Variants in AFG2A observed in about 807,000 individuals in gnomAD.
The protein encoded by AFG2A is AAA ATPase AFG2A.
At chr4:123,012,242 C>T in the AFG2A span, among the ~76,000 whole-genome samples, 1 of 138,336 alleles carries the variant, frequency 7.2e-6, no homozygotes, top group Non-Finnish European at 1.5e-5. Flanking sequence ...GAGGTGCTTG[C>T]CCCCCAGGAA....
chr4:123,098,018 T>G, the AFG2A span, among the ~76,000 whole-genome samples: 1 of 152,226 alleles, frequency 6.6e-6, no homozygotes, highest in East Asian at 1.9e-4. Context: ...TCCACACTAA[T>G]TTGATTATGT....
At chr4:123,201,764 CA>C in the AFG2A span, among the ~76,000 whole-genome samples, 1 of 151,754 alleles carries the variant, frequency 6.6e-6, no homozygotes, top group African/African-American at 2.4e-5. Context: ...ACTAAAAATA[CA>C]AAAAAATTTA....
At chr4:122,979,421 T>A in the AFG2A span, 1 of 1,594,524 alleles carries the variant, frequency 6.3e-7, no homozygotes, top group East Asian at 2.2e-5. Flanking sequence ...GCTACACTGT[T>A]TGAATTAAAC....
chr4:122,969,030 T>TA, the AFG2A span, among the ~76,000 whole-genome samples: 2 of 152,168 alleles, frequency 1.3e-5, no homozygotes, highest in African/African-American at 4.8e-5. Context: ...CTTTGTTAGA[T>TA]ATATGTATTT....
the AFG2A span, among the ~76,000 whole-genome samples, chr4:123,022,305 A>G: frequency 7.3e-4 from 111 of 152,314 alleles, 1 homozygote; most frequent in African/African-American, 2.5e-3. Context: ...AAGGACTAAT[A>G]TCCAGAATCT....
chr4:123,030,419 A>T, the AFG2A span, among the ~76,000 whole-genome samples: 1 of 152,202 alleles, frequency 6.6e-6, no homozygotes, highest in Non-Finnish European at 1.5e-5. Flanking sequence ...ACTATGAGGA[A>T]ATTGTAAATG....
At chr4:123,159,501 C>G in the AFG2A span, among the ~76,000 whole-genome samples, 1 of 152,118 alleles carries the variant, frequency 6.6e-6, no homozygotes, top group Non-Finnish European at 1.5e-5. Flanking sequence ...TATGCATTGT[C>G]TCTGATTTCT....
the AFG2A span, among the ~76,000 whole-genome samples, chr4:122,944,336 T>C: frequency 6.6e-6 from 1 of 151,984 alleles, no homozygotes; most frequent in African/African-American, 2.4e-5. Context: ...TGTTTGTTTC[T>C]TTTTATTCTT....
the AFG2A span, among the ~76,000 whole-genome samples, chr4:123,123,135 T>C: frequency 6.6e-6 from 1 of 152,166 alleles, no homozygotes; most frequent in Admixed American, 6.5e-5. Flanking sequence ...AATGTGTTCA[T>C]ATAAGAGACT....
chr4:123,257,358 G>C, the AFG2A span, among the ~76,000 whole-genome samples: 1 of 152,216 alleles, frequency 6.6e-6, no homozygotes, highest in Non-Finnish European at 1.5e-5. Flanking sequence ...GCTACATCTG[G>C]ATAAATCCAT....
At chr4:123,218,952 GA>G in the AFG2A span, among the ~76,000 whole-genome samples, 1 of 152,160 alleles carries the variant, frequency 6.6e-6, no homozygotes, top group Admixed American at 6.5e-5. Flanking sequence ...AAGTTTTCTA[GA>G]GAGACAGATC....
At chr4:123,231,785 C>T in the AFG2A span, among the ~76,000 whole-genome samples, 1 of 151,778 alleles carries the variant, frequency 6.6e-6, no homozygotes, top group Non-Finnish European at 1.5e-5. Flanking sequence ...ATTCATTGGC[C>T]TAATTTCATT....
the AFG2A span, among the ~76,000 whole-genome samples, chr4:123,061,061 G>T: frequency 6.6e-6 from 1 of 152,112 alleles, no homozygotes; most frequent in Non-Finnish European, 1.5e-5. Context: ...CCTCAGCCTG[G>T]ATTTTATTGT....
chr4:123,281,207 C>T, the AFG2A span, among the ~76,000 whole-genome samples: 3 of 152,046 alleles, frequency 2.0e-5, no homozygotes, highest in African/African-American at 7.2e-5. Context: ...GGGTAGGAAT[C>T]GGATGTTTTT....
the AFG2A span, among the ~76,000 whole-genome samples, chr4:123,065,105 C>T: frequency 2.0e-5 from 3 of 152,080 alleles, no homozygotes; most frequent in Non-Finnish European, 4.4e-5. Context: ...ACCACATAGC[C>T]CAGGATTCCA....
the AFG2A span, among the ~76,000 whole-genome samples, chr4:123,064,327 T>A: frequency 6.6e-6 from 1 of 151,656 alleles, no homozygotes; most frequent in Non-Finnish European, 1.5e-5. Flanking sequence ...GGAAGGGGAG[T>A]TGAATTATAC....
chr4:123,018,022 G>T, the AFG2A span, among the ~76,000 whole-genome samples: 1 of 152,070 alleles, frequency 6.6e-6, no homozygotes, highest in African/African-American at 2.4e-5. Flanking sequence ...GTCCATAAAA[G>T]TATTTTTTTT....
At chr4:123,238,268 A>G in the AFG2A span, among the ~76,000 whole-genome samples, 1 of 152,236 alleles carries the variant, frequency 6.6e-6, no homozygotes, top group African/African-American at 2.4e-5. Flanking sequence ...AACAAAAGGC[A>G]GCAGTAACTT....
At chr4:123,072,436 A>G in the AFG2A span, among the ~76,000 whole-genome samples, 1 of 152,196 alleles carries the variant, frequency 6.6e-6, no homozygotes, top group Non-Finnish European at 1.5e-5. Flanking sequence ...ACATAATTAT[A>G]TACTGAGCTT....
Sources: allele counts gnomAD v4.1 joint callset (sites outside exome capture counted in the v4.1 genomes callset), GRCh38; gene constraint gnomAD v4.1.1; transcripts MANE v1.5; gene names NCBI Gene and HGNC (gene_info 2026-07-23, HGNC 2026-07-21).